Variants in ABCA7 observed in about 807,000 individuals in gnomAD.
The protein encoded by ABCA7 is ATP binding cassette subfamily A member 7.
In ABCA7, 261 loss-of-function variants were observed where a neutral mutation model predicts 227.6. That is an observed-to-expected ratio of 1.15 (90% CI 1.04 to 1.27). The LOEUF (loss-of-function observed/expected upper bound fraction) is 1.27. ABCA7 is among the 50% of genes most tolerant of loss of function. The probability of loss-of-function intolerance (pLI) is 0.00; values close to 1 mark genes in which losing one functional copy is unlikely to be tolerated. For missense variants in ABCA7, 3,331 were observed against 2,924.5 expected (o/e 1.14, Z -3.21); for synonymous variants, 1,488 against 1,279.7 (o/e 1.16, Z -3.47).
intron 35 of ABCA7, 42 bp downstream of exon 35, chr19:1,057,471 T>G: frequency 6.5e-7 from 1 of 1,548,052 alleles, no homozygotes. Context: ...TACTGACCCC[T>G]TACTGCCTTC....
chr19:1,047,265 C>G lies in ABCA7; in HGVS notation c.1954C>G (p.Arg652Gly), dbSNP rs766318780. 6.2e-7 allele frequency: 1 copy of G among 1,607,058 alleles called. No homozygotes were observed. Residue 652 changes from arginine (R) to glycine (G), a missense_variant, in exon 15 of 47, where the codon CGC becomes GGC. By Grantham distance (125) the Arg-to-Gly change is moderately radical. Transcript: ENST00000263094. ...QSFLLSAFFS[R>G]ANLAAACGGL... ...CTTCCTGCTCAGCGCCTTCTTCTCCCGCGCCAACCTGGCTGCGGCCTGCGG... is the reference window on the plus strand; with the variant it reads ...CTTCCTGCTCAGCGCCTTCTTCTCCGGCGCCAACCTGGCTGCGGCCTGCGG...
rs753777657 is a variant in ABCA7, at chr19:1,062,298, G to GGCCCAGGTT, written c.5706_5712+2dup. The GGCCCAGGTT allele has an allele frequency of 1.9e-6, 3 of 1,605,526 alleles. No homozygotes were observed. Among genetic ancestry groups the GGCCCAGGTT allele is most frequent in the South Asian group, 1.1e-5 (1 of 91,040 alleles). ...TTGCGCGCCTGCGCGGTGTCCCGGA[G>GGCCCAGGTT]GCCCAGGTTGCCCAGGTGAGCCCAC... On this transcript the variant is annotated inframe_insertion, in exon 42 of 47. Coordinates refer to ENST00000263094, the MANE Select transcript of ABCA7 (RefSeq NM_019112.4).
Position 1,042,100 on chromosome 19 carries a change from G to A in ABCA7, c.339G>A (p.Leu113=), listed in dbSNP as rs771769452. Reference sequence around the variant, plus strand: ...TGCTAGCCGATGCCCGCACTGTGCTGGGAGGGGCCAGTGCCCACAGGACGC... The same window carrying A: ...TGCTAGCCGATGCCCGCACTGTGCTAGGAGGGGCCAGTGCCCACAGGACGC... ...SRLLADARTV[L]GGASAHRTLA... is the part of the protein sequence containing the mutation. The change falls in exon 5 of 47, where the codon CTG becomes CTA. Residue 113 remains leucine, a synonymous_variant. Coordinates refer to ENST00000263094, the MANE Select transcript of ABCA7 (RefSeq NM_019112.4). 9 of 1,598,316 alleles carry A rather than the reference G, an allele frequency of 5.6e-6. No individual in the cohort carries two copies. The highest frequency in any genetic ancestry group is 2.7e-5 in the African/African-American group (2 of 74,890).
rs767608146 is a variant in ABCA7, at chr19:1,047,361, GGTGGCCGC to G, written c.2060_2067del (p.Val687GlufsTer74). The stretch of plus-strand genomic sequence containing the variant: ...GGCTTGGCGGGACCGGCTGCCCGCG[GGTGGCCGC>G]GTGGCCGCGGTGAGAGCCGGGTCGG... On this transcript the variant is annotated frameshift_variant, in exon 15 of 47. Transcript: ENST00000263094. LOFTEE classifies it high-confidence loss of function. 7 of 1,573,442 alleles carry G rather than the reference GGTGGCCGC, an allele frequency of 4.4e-6. No individual in the cohort carries two copies. Among genetic ancestry groups the G allele is most frequent in the Admixed American group, 3.7e-5 (2 of 54,736 alleles).
At position 1,043,194 on chromosome 19, in the gene ABCA7, G is replaced by T. The variant is rs377552810; in HGVS notation, c.733G>T (p.Asp245Tyr). Reference sequence around the variant, plus strand: ...CTCCCTCAACTGGTACGAGGCTAGTGACCTGATGGAGCTGGTGGGGCAGGA... The same window carrying T: ...CTCCCTCAACTGGTACGAGGCTAGTTACCTGATGGAGCTGGTGGGGCAGGA... ...GPSLNWYEAS[D>Y]LMELVGQEPE... The change falls in exon 8 of 47, where the codon GAC (aspartate) becomes TAC (tyrosine). Residue 245 changes from aspartate to tyrosine, a missense_variant. Transcript: ENST00000263094. 4.5e-5 allele frequency: 72 copies of T among 1,609,512 alleles called. No homozygotes were observed. The highest frequency in any genetic ancestry group is 5.5e-5 in the Non-Finnish European group (65 of 1,177,312).
Position 1,054,763 on chromosome 19 carries a change from T to A in ABCA7, c.3852-17T>A. On this transcript the variant is annotated splice_polypyrimidine_tract_variant and intron_variant, in intron 28 of 46. Transcript: ENST00000263094. This position sits in a 1 kb window ranked among gnomAD's most constrained non-coding sequence, Gnocchi z 4.8. ...CTGGGGGTACAGCCCTGACCCTACA[T>A]CTCCCCTCACACACAGTGAGGACGC... The A allele has an allele frequency of 6.2e-7, 1 of 1,607,442 alleles. No homozygotes were observed. Among genetic ancestry groups the A allele is most frequent in the Non-Finnish European group, 8.5e-7 (1 of 1,176,890 alleles).
Position 1,054,107 on chromosome 19 carries a change from C to CCAGGTAAGT in ABCA7, c.3576_3577+7dup. Reference sequence around the variant, plus strand: ...GGAGACAGCGCTGGAGAACGGGGAACCAGGTAAGTCCTTCCCAGTGGCCCT... The same window carrying CCAGGTAAGT: ...GGAGACAGCGCTGGAGAACGGGGAACCAGGTAAGTCAGGTAAGTCCTTCCCAGTGGCCCT... On this transcript the variant is annotated inframe_insertion, in exon 26 of 47. Coordinates refer to ENST00000263094, the MANE Select transcript of ABCA7 (RefSeq NM_019112.4). The surrounding 1 kb of genome is among the most constrained non-coding windows in gnomAD (Gnocchi z 4.8). 1.9e-6 allele frequency: 3 copies of CCAGGTAAGT among 1,613,190 alleles called. No individual in the cohort carries two copies. The highest frequency in any genetic ancestry group is 2.5e-6 in the Non-Finnish European group (3 of 1,179,942).
chr19:1,045,240 AGGGAGGGGGCGG>A lies in ABCA7; in HGVS notation c.1445+13_1445+24del. 2 of 698,036 alleles carry A rather than the reference AGGGAGGGGGCGG, an allele frequency of 2.9e-6. No individual in the cohort carries two copies. Among genetic ancestry groups the A allele is most frequent in the South Asian group, 3.3e-5 (2 of 60,320 alleles). The allele number at this position is 698,036 out of a possible 1,614,324, so 43.2% of individuals were successfully genotyped here. A position where few individuals can be genotyped will look rare whatever the true frequency, so the allele number is the denominator to read the frequency against. On this transcript the variant is annotated intron_variant, in intron 12 of 46. Transcript: ENST00000263094. ...AATAAGATCAGGGACAGGTCAGGCG[AGGGAGGGGGCGG>A]GGGGATGAGGGACTGGGCGGGGCCA...
chr19:1,043,693 A>G, intron 9 of ABCA7, 32 bp from the exon 10 acceptor site: 1 of 1,603,948 alleles, frequency 6.2e-7, no homozygotes, highest in Non-Finnish European at 8.5e-7. Context: ...AGAGGAGGAG[A>G]GGGTCATCAG....
rs574748541 is a variant in ABCA7 at position 1,054,911 on chromosome 19, T to A, written c.3950+33T>A. On this transcript the variant is annotated intron_variant, in intron 29 of 46. Transcript: ENST00000263094. This position sits in a 1 kb window ranked among gnomAD's most constrained non-coding sequence, Gnocchi z 4.8. ...GTCTTGTTGGCCTGGACCTTTCCCC[T>A]CTCTGGCCTCAGTTTTCCCATCTGG... 310 of 1,547,818 alleles carry A rather than the reference T, an allele frequency of 2.0e-4. 8 individuals are homozygous for A. In the South Asian group the frequency reaches 3.5e-3, roughly 17 times the overall value.
At position 1,051,285 on chromosome 19, in the gene ABCA7, C is replaced by T. The variant is rs201120174; in HGVS notation, c.2815C>T (p.His939Tyr). 80 of 1,598,242 alleles carry T rather than the reference C, an allele frequency of 5.0e-5. 1 individual carries two copies. The East Asian group carries it at 9.2e-4, about 18-fold the overall frequency. Reference sequence around the variant, plus strand: ...CTCCAAGCAGAGTGTGCAGACTCGCCACCTCTCTGGTGAGCCCATCCCCAA... The same window carrying T: ...CTCCAAGCAGAGTGTGCAGACTCGCTACCTCTCTGGTGAGCCCATCCCCAA... The part of the protein sequence containing the change: ...LVSKQSVQTR[H>Y]LSGGMQRKLS... The change falls in exon 20 of 47, where the codon CAC becomes TAC. Residue 939 changes from histidine (H) to tyrosine (Y), a missense_variant. Coordinates refer to ENST00000263094, the MANE Select transcript of ABCA7 (RefSeq NM_019112.4).
In ABCA7 at chr19:1,041,548, C is replaced by G; in HGVS notation, c.105C>G (p.Leu35=). 1.9e-6 allele frequency: 3 copies of G among 1,613,498 alleles called. No homozygotes were observed. The highest frequency in any genetic ancestry group is 1.7e-5 in the Admixed American group (1 of 60,018). Residue 35 remains leucine, a synonymous_variant, in exon 3 of 47, where the codon CTC becomes CTG. Transcript: ENST00000263094. The part of the protein sequence containing the change: ...LLVELLWPLF[L]FFILVAVRHS... ...TCGAATTGCTGTGGCCTCTCTTCCT[C>G]TTCTTCATCCTGGTGGCTGTTCGCC... is the stretch of plus-strand genomic sequence containing the variant.
intron 16 of ABCA7, 34 bp from the exon 17 acceptor site, chr19:1,048,861 T>A: frequency 1.6e-6 from 2 of 1,232,952 alleles, no homozygotes; most frequent in South Asian, 1.5e-5. Context: ...TCCTGGGGGG[T>A]GGGCTAAGCA....
rs1168749107 is a variant in ABCA7 at position 1,063,751 on chromosome 19, G to T, written c.5848-9G>T. 2.6e-6 allele frequency: 4 copies of T among 1,548,164 alleles called. No individual in the cohort carries two copies. Among genetic ancestry groups the T allele is most frequent in the African/African-American group, 2.7e-5 (2 of 73,138 alleles). ...GGGCCTTGCTTATGGGATCTTCCGT[G>T]CTCCCCAGGACGAGCCGACCACAGG... On this transcript the variant is annotated splice_polypyrimidine_tract_variant and intron_variant, in intron 43 of 46. Transcript: ENST00000263094.
chr19:1,060,207 A>ATATATTTT lies in ABCA7; in HGVS notation c.5463+1123_5463+1124insATATTTTT. Among the ~76,000 whole-genome samples the ATATATTTT allele has an allele frequency of 8.3e-5, 8 of 96,860 alleles. 1 individual carries two copies. Among genetic ancestry groups the ATATATTTT allele is most frequent in the African/African-American group, 1.7e-4 (5 of 28,762 alleles). 63.5% of individuals were successfully genotyped at this position (96,860 alleles called of 152,430 possible). A position where few individuals can be genotyped will look rare whatever the true frequency, so the allele number is the denominator to read the frequency against. Reference sequence around the variant, plus strand: ...AGCACACATTGCAGTATATATATATATTTTTTTTTCTTTTTTTTTCTTTTG... The same window carrying ATATATTTT: ...AGCACACATTGCAGTATATATATATATATATTTTTTTTTTTTTCTTTTTTTTTCTTTTG... On this transcript the variant is annotated intron_variant, in intron 40 of 46. Coordinates refer to ENST00000263094, the MANE Select transcript of ABCA7 (RefSeq NM_019112.4).
In ABCA7 at chr19:1,048,912, G is replaced by T; in HGVS notation, c.2287G>T (p.Glu763Ter). The T allele has an allele frequency of 1.2e-6, 2 of 1,607,902 alleles. No individual in the cohort carries two copies. Among genetic ancestry groups the T allele is most frequent in the Non-Finnish European group, 1.7e-6 (2 of 1,177,606 alleles). Residue 763 changes from glutamate to a stop codon, truncating the protein, a stop_gained, in exon 17 of 47, where the codon GAA (glutamate) becomes TAA (stop). Coordinates refer to ENST00000263094, the MANE Select transcript of ABCA7 (RefSeq NM_019112.4). LOFTEE classifies it high-confidence loss of function. ...AVCPGQYGIPEPWNFPFRRSY... is the reference protein window; with the variant it reads ...AVCPGQYGIP ...CCCCGCAGGCCAGTACGGGATCCCT[G>T]AACCATGGAATTTTCCTTTTCGGAG...
intron 16 of ABCA7, among the ~76,000 whole-genome samples, chr19:1,048,394 G>A (rs67027268): frequency 0.11 from 16,483 of 149,708 alleles, 1,133 homozygotes; most frequent in East Asian, 0.32. Flanking sequence ...TACTTGGAAG[G>A]CAGAGGCAGG....
At position 1,047,586 on chromosome 19, in the gene ABCA7, C is replaced by A; in HGVS notation, c.2201C>A (p.Ser734Tyr). 1 of 1,603,608 alleles carries A rather than the reference C, an allele frequency of 6.2e-7. No individual in the cohort carries two copies. Reference sequence around the variant, plus strand: ...GACGTCTTCAGCCTGGCCCAGGTCTCTGGCCTTCTGCTGCTGGACGCGGCG... The same window carrying A: ...GACGTCTTCAGCCTGGCCCAGGTCTATGGCCTTCTGCTGCTGGACGCGGCG... ...TADVFSLAQV[S>Y]GLLLLDAALY... The change falls in exon 16 of 47, where the codon TCT (serine) becomes TAT (tyrosine). Residue 734 changes from serine (S) to tyrosine (Y), a missense_variant. Ser to Tyr is a moderately radical substitution (Grantham distance 144). Transcript: ENST00000263094.
Position 1,047,623 on chromosome 19 carries a change from C to T in ABCA7, c.2238C>T (p.Leu746=), listed in dbSNP as rs764116045. 5 of 1,599,742 alleles carry T rather than the reference C, an allele frequency of 3.1e-6. No individual in the cohort carries two copies. The highest frequency in any genetic ancestry group is 4.2e-6 in the Non-Finnish European group (5 of 1,177,770). Residue 746 remains leucine (L), a synonymous_variant, in exon 16 of 47, where the codon CTC becomes CTT. Transcript: ENST00000263094. ...LLLLDAALYG[L]ATWYLEAVCP... ...TGCTGGACGCGGCGCTCTACGGCCTCGCCACCTGGTACCTGGAAGCTGTGT... is the reference window on the plus strand; with the variant it reads ...TGCTGGACGCGGCGCTCTACGGCCTTGCCACCTGGTACCTGGAAGCTGTGT...
Sources: gnomAD v4.1 joint callset for allele counts (sites outside exome capture counted in the v4.1 genomes callset) on GRCh38, gnomAD v4.1.1 for gene constraint, Gnocchi (gnomAD v3.1) non-coding constraint, MANE v1.5 for transcripts, NCBI Gene and HGNC (gene_info 2026-07-23, HGNC 2026-07-21) for gene names.